HEATR5A: variants seen among roughly 807,000 people sequenced by gnomAD.
The protein encoded by HEATR5A is HEAT repeat-containing protein 5A.
A neutral mutation model predicts 218.8 loss-of-function variants in HEATR5A; 178 were observed. That is an observed-to-expected ratio of 0.81 (90% confidence interval 0.72 to 0.92). The LOEUF is 0.92. Ranked by LOEUF, HEATR5A falls within the 40% of genes least tolerant of loss-of-function variation. The pLI is 0.00. For missense variants in HEATR5A, 2,420 were observed against 2,418.9 expected, an observed-to-expected ratio of 1.00 and a Z score of -0.01; for synonymous variants, 864 against 871.6, an observed-to-expected ratio of 0.99 and a Z score of 0.15.
At position 31,305,086 on chromosome 14, in the gene HEATR5A, A is replaced by G. The variant is rs775809643; in HGVS notation, c.5058T>C (p.Phe1686=). 6.2e-7 allele frequency: 1 copy of G among 1,614,004 alleles called. No individual in the cohort carries two copies. Among genetic ancestry groups the G allele is most frequent in the South Asian group, 1.1e-5 (1 of 91,084 alleles). The part of the protein sequence containing the change: ...GGLVPGKSLV[F]ATLELCVCIL... ...TGCATACACACAATTCCAGTGTTGC[A>G]AAGACCAAAGACTTTCCAGGCACAA... The change falls in exon 32 of 36, where the codon TTT becomes TTC. Residue 1686 remains phenylalanine, a synonymous_variant. Coordinates refer to ENST00000543095, the MANE Select transcript of HEATR5A (RefSeq NM_015473.4).
At chr14:31,356,371 G>A (rs1208201879) in intron 16 of HEATR5A, among the ~76,000 whole-genome samples, 1 of 152,048 alleles carries the variant, frequency 6.6e-6, no homozygotes, top group East Asian at 1.9e-4. Context: ...TCAGTAGCTG[G>A]GACTACAGTT....
chr14:31,366,151 G>C (rs576635696), intron 13 of HEATR5A, among the ~76,000 whole-genome samples: 1 of 152,276 alleles, frequency 6.6e-6, no homozygotes, highest in South Asian at 2.1e-4. Context: ...GCTCACACCT[G>C]TAATTCCAGC....
intron 6 of HEATR5A, 81 bp from the exon 7 acceptor site, chr14:31,389,086 A>C: frequency 8.0e-7 from 1 of 1,253,116 alleles, no homozygotes; most frequent in South Asian, 1.4e-5. Flanking sequence ...AAAGCATGTT[A>C]ATAGAAACAA....
At chr14:31,378,801 CAAAA>C (rs77675897) in intron 11 of HEATR5A, among the ~76,000 whole-genome samples, 2 of 105,192 alleles carry the variant, frequency 1.9e-5, no homozygotes, top group African/African-American at 6.8e-5. Flanking sequence ...AAAAAACAAA[CAAAA>C]AAAAAAAACA....
intron 13 of HEATR5A, among the ~76,000 whole-genome samples, chr14:31,371,163 T>C (rs1365099464): frequency 3.9e-5 from 6 of 152,216 alleles, no homozygotes; most frequent in Non-Finnish European, 8.8e-5. Context: ...GAGAGTTGAG[T>C]AGCTGCAACA....
chr14:31,351,103 C>T (rs2139217910), intron 16 of HEATR5A, among the ~76,000 whole-genome samples: 1 of 152,262 alleles, frequency 6.6e-6, no homozygotes, highest in Middle Eastern at 3.4e-3. Flanking sequence ...TTAAACTTCA[C>T]ACTTTAGGTT....
At chr14:31,400,149 G>A (rs2030817669) in intron 3 of HEATR5A, 152 bp downstream of exon 3, 2 of 535,040 alleles carry the variant, frequency 3.7e-6, no homozygotes, top group Non-Finnish European at 6.5e-6. Flanking sequence ...AACATGAAAA[G>A]TGTTAGTTTC....
At position 31,293,074 on chromosome 14, in the gene HEATR5A, A is replaced by G. The variant is rs1428689146; in HGVS notation, c.*231T>C. On this transcript the variant is annotated 3_prime_UTR_variant, in exon 36 of 36. Coordinates refer to ENST00000543095, the MANE Select transcript of HEATR5A (RefSeq NM_015473.4). ...TAGCACTTTCTTAAAATTCCTGGCA[A>G]GTTAGCTCCATTGTCTTTTTAAATA... The G allele has an allele frequency of 4.8e-6, 2 of 420,760 alleles. No homozygotes were observed. Among genetic ancestry groups the G allele is most frequent in the Non-Finnish European group, 8.4e-6 (2 of 239,286 alleles). 26.1% of individuals were successfully genotyped at this position (420,760 alleles called of 1,614,324 possible). A position where few individuals can be genotyped will look rare whatever the true frequency, so the allele number is the denominator to read the frequency against.
intron 14 of HEATR5A, among the ~76,000 whole-genome samples, chr14:31,362,976 C>A (rs1901674965): frequency 6.6e-6 from 1 of 151,710 alleles, no homozygotes; most frequent in African/African-American, 2.4e-5. Context: ...GGAGTTCACA[C>A]CTGTAATCCC....
chr14:31,339,463 A>G (rs1321432013), intron 21 of HEATR5A, among the ~76,000 whole-genome samples: 1 of 151,096 alleles, frequency 6.6e-6, no homozygotes, highest in Non-Finnish European at 1.5e-5. Context: ...AAAAAAAAAA[A>G]AAAAAAAAAA....
intron 13 of HEATR5A, among the ~76,000 whole-genome samples, chr14:31,367,699 TG>T (rs1480020522): frequency 6.7e-6 from 1 of 148,188 alleles, no homozygotes; most frequent in African/African-American, 2.5e-5. Context: ...GATTATAGCA[TG>T]AGCCACTGTG....
intron 1 of HEATR5A, among the ~76,000 whole-genome samples, chr14:31,404,746 T>G (rs2030995578): frequency 6.6e-6 from 1 of 151,762 alleles, no homozygotes; most frequent in Non-Finnish European, 1.5e-5. Context: ...GGACTTTGTC[T>G]CTACAAAAAA....
Position 31,358,619 on chromosome 14 carries a change from AC to A in HEATR5A, c.2411+17del, listed in dbSNP as rs1901507565. 6.2e-7 allele frequency: 1 copy of A among 1,605,530 alleles called. No individual in the cohort carries two copies. The highest frequency in any genetic ancestry group is 1.7e-5 in the Admixed American group (1 of 59,062). ...CAGTTCTCTATTATCCATTCACTGA[AC>A]CATTGAAGATATTTACCTTTGAGTT... On this transcript the variant is annotated intron_variant, in intron 16 of 35. Coordinates refer to ENST00000543095, the MANE Select transcript of HEATR5A (RefSeq NM_015473.4).
intron 28 of HEATR5A, among the ~76,000 whole-genome samples, chr14:31,309,745 C>T (rs1265171211): frequency 6.6e-6 from 1 of 151,292 alleles, no homozygotes; most frequent in African/African-American, 2.4e-5. Context: ...TTTTTTCAGA[C>T]AGTCTCACTG....
At chr14:31,386,247 A>G (rs2030214944) in intron 9 of HEATR5A, among the ~76,000 whole-genome samples, 173 bp downstream of exon 9, 1 of 152,218 alleles carries the variant, frequency 6.6e-6, no homozygotes, top group African/African-American at 2.4e-5. Context: ...TTAATTACAG[A>G]AGAAAAAACT....
intron 28 of HEATR5A, among the ~76,000 whole-genome samples, chr14:31,309,612 T>C (rs1265897294): frequency 6.6e-6 from 1 of 151,982 alleles, no homozygotes; most frequent in Non-Finnish European, 1.5e-5. Context: ...ATCATAAACA[T>C]TTTAAAACAA....
rs372801712 is a variant in HEATR5A at position 31,343,195 on chromosome 14, C to T, written c.3228+701G>A. 1.2e-4 allele frequency among the ~76,000 whole-genome samples: 18 copies of T among 151,950 alleles called. No individual in the cohort carries two copies. The East Asian group carries it at 2.9e-3, about 25-fold the overall frequency. On this transcript the variant is annotated intron_variant, in intron 21 of 35. Transcript: ENST00000543095. ...GCAACCTCCACCTCCCGGGTTCAAG[C>T]GATTCTCCTGGCTCAGCCTCCTGAG...
chr14:31,369,608 CAAAAAAAAAAAAAAAA>C (rs71430951), intron 13 of HEATR5A, among the ~76,000 whole-genome samples: 4 of 45,148 alleles, frequency 8.9e-5, no homozygotes, highest in Non-Finnish European at 1.4e-4. Context: ...AAAACTGTCT[CAAAAAAAAAAAAAAAA>C]AAAAAAAAAA....
At chr14:31,326,428 T>G in intron 22 of HEATR5A, 86 bp from the exon 23 acceptor site, 1 of 956,168 alleles carries the variant, frequency 1.0e-6, no homozygotes, top group Non-Finnish European at 1.6e-6. Flanking sequence ...GTTATTCAAA[T>G]AGTAGATAAA....
Sources: gnomAD v4.1 joint callset for allele counts (sites outside exome capture counted in the v4.1 genomes callset) on GRCh38, gnomAD v4.1.1 for gene constraint, MANE v1.5 for transcripts, NCBI Gene and HGNC (gene_info 2026-07-23, HGNC 2026-07-21) for gene names.